Variants in PRH1 observed in about 807,000 individuals in gnomAD.
PRH1 encodes salivary acidic proline-rich phosphoprotein 1/2.
Under a neutral mutation model 7.9 loss-of-function variants are expected in PRH1, and 7 were observed. That is an observed-to-expected ratio of 0.89 (90% confidence interval 0.50 to 1.67). The LOEUF (loss-of-function observed/expected upper bound fraction) is 1.67, where lower values mean the gene tolerates loss of function less well. Ranked by LOEUF, PRH1 falls within the 40% of genes most tolerant of loss-of-function variation. PRH1 has a pLI of 0.00. For synonymous variants in PRH1, 45 were observed against 80.8 expected, an observed-to-expected ratio of 0.56 and a Z score of 2.38; for missense variants, 109 against 223.6, an observed-to-expected ratio of 0.49 and a Z score of 3.27.
intron 2 of PRH1, among the ~76,000 whole-genome samples, chr12:10,898,135 G>A (rs1019661992): frequency 7.9e-5 from 12 of 152,002 alleles, no homozygotes; most frequent in African/African-American, 9.7e-5. Flanking sequence ...TTTTTCATAC[G>A]TTGAGCTGAA....
At chr12:10,927,565 T>A (rs964331680) in intron 2 of PRH1, among the ~76,000 whole-genome samples, 4 of 152,250 alleles carry the variant, frequency 2.6e-5, no homozygotes, top group African/African-American at 7.2e-5. Flanking sequence ...TCAGTCTGCC[T>A]GGGTCCCTTA....
intron 2 of PRH1, among the ~76,000 whole-genome samples, chr12:10,931,726 C>G (rs1397654153): frequency 6.6e-6 from 1 of 152,020 alleles, no homozygotes; most frequent in African/African-American, 2.4e-5. Context: ...TAATACCACA[C>G]TTTATATTCA....
intron 1 of PRH1, chr12:11,062,316 T>A: frequency 6.3e-7 from 1 of 1,577,262 alleles, no homozygotes. Context: ...CAAAAAGAAA[T>A]TTTTAAAATG....
Position 11,103,606 on chromosome 12 carries a change from T to C in PRH1, n.124-56418A>G, listed in dbSNP as rs545370010. ...CTAATGTAAATGACGAGTTAATGGG[T>C]GCAGCACACCAACAAGCACATGTAT... On this transcript the variant is annotated intron_variant and non_coding_transcript_variant, in intron 1 of 4. Coordinates refer to the PRH1 transcript ENST00000541977. Among the ~76,000 whole-genome samples, 110 of 152,010 alleles carry C rather than the reference T, an allele frequency of 7.2e-4. No individual in the cohort carries two copies. The South Asian group carries it at 0.023, about 31-fold the overall frequency.
At chr12:11,051,337 G>C (rs1943133212), upstream of PRH1, among the ~76,000 whole-genome samples, 1 of 152,122 alleles carries the variant, frequency 6.6e-6, no homozygotes. Context: ...AAATCTTTTA[G>C]AGCTGTACAT....
downstream of PRH1, among the ~76,000 whole-genome samples, chr12:11,119,237 T>C (rs1009926220): frequency 6.6e-6 from 1 of 151,634 alleles, no homozygotes; most frequent in Non-Finnish European, 1.5e-5. Flanking sequence ...CTCGTGGACA[T>C]AGAGAGTACA....
chr12:11,114,403 G>C (rs1945674405), intron 1 of PRH1, among the ~76,000 whole-genome samples: 1 of 152,072 alleles, frequency 6.6e-6, no homozygotes, highest in Non-Finnish European at 1.5e-5. Flanking sequence ...ACTAACACAG[G>C]AACAGAAAAC....
intron 2 of PRH1, among the ~76,000 whole-genome samples, chr12:10,896,545 T>TGA (rs1388386262): frequency 6.6e-6 from 1 of 152,092 alleles, no homozygotes; most frequent in Non-Finnish European, 1.5e-5. Context: ...GTGGATCACC[T>TGA]GAGGTCAGGA....
chr12:10,959,614 A>G (rs1938140532), intron 2 of PRH1, among the ~76,000 whole-genome samples: 1 of 152,218 alleles, frequency 6.6e-6, no homozygotes, highest in South Asian at 2.1e-4. Context: ...GGGTTAGTAA[A>G]CCATAATTCT....
intron 1 of PRH1, among the ~76,000 whole-genome samples, chr12:11,070,763 C>A (rs1468432500): frequency 6.6e-6 from 1 of 152,060 alleles, no homozygotes; most frequent in Non-Finnish European, 1.5e-5. Flanking sequence ...TCTAGGTACC[C>A]AAAAGACACT....
intron 1 of PRH1, chr12:11,046,916 T>A (rs1179840711): frequency 7.0e-6 from 3 of 428,202 alleles, no homozygotes; most frequent in Non-Finnish European, 1.5e-5. Flanking sequence ...ATTGGCATCA[T>A]CCGGAGATGA....
intron 2 of PRH1, chr12:10,939,311 T>C: frequency 1.5e-6 from 1 of 665,880 alleles, no homozygotes; most frequent in East Asian, 2.9e-5. Context: ...TTCAATAATA[T>C]ATTCCCTTTA....
At chr12:10,951,739 A>C (rs1937679864) in intron 2 of PRH1, among the ~76,000 whole-genome samples, 1 of 152,192 alleles carries the variant, frequency 6.6e-6, no homozygotes, top group Non-Finnish European at 1.5e-5. Context: ...TTCCTTGAGC[A>C]CTTAAAAAAT....
At chr12:10,931,018 G>T (rs1308643021) in intron 2 of PRH1, 3 of 1,593,546 alleles carry the variant, frequency 1.9e-6, no homozygotes, top group Non-Finnish European at 1.7e-6. Context: ...ACCTCCCCAA[G>T]GGGGCCGCCC....
chr12:11,054,889 G>A, intron 1 of PRH1, among the ~76,000 whole-genome samples: 1 of 110,864 alleles, frequency 9.0e-6, no homozygotes, highest in African/African-American at 3.1e-5. Flanking sequence ...TGCAAGCTCT[G>A]CCTCACTGCA....
chr12:11,123,284 C>T (rs1244253150), intron 1 of PRH1, among the ~76,000 whole-genome samples: 1 of 152,238 alleles, frequency 6.6e-6, no homozygotes, highest in African/African-American at 2.4e-5. Flanking sequence ...AATAATGCTA[C>T]AATGAACATT....
chr12:11,001,928 G>C (rs768963780), intron 1 of PRH1, among the ~76,000 whole-genome samples: 2 of 152,102 alleles, frequency 1.3e-5, no homozygotes, highest in African/African-American at 4.8e-5. Flanking sequence ...TTAGAAGTAA[G>C]AGCTTGATCA....
intron 1 of PRH1, chr12:11,030,389 A>G: frequency 1.9e-6 from 3 of 1,608,150 alleles, no homozygotes; most frequent in Non-Finnish European, 2.5e-6. Flanking sequence ...AAGACACACA[A>G]TGCCCCTCTC....
intron 2 of PRH1, among the ~76,000 whole-genome samples, chr12:10,954,601 G>C (rs1045680165): frequency 3.3e-5 from 5 of 152,074 alleles, no homozygotes; most frequent in African/African-American, 1.2e-4. Flanking sequence ...GCAAGTACCT[G>C]GGACCACATG....
Sources: gnomAD v4.1 joint callset for allele counts (sites outside exome capture counted in the v4.1 genomes callset) on GRCh38, gnomAD v4.1.1 for gene constraint, MANE v1.5 for transcripts, NCBI Gene and HGNC (gene_info 2026-07-23, HGNC 2026-07-21) for gene names.